The following PROS1 variants were observed in gnomAD, a reference collection of about 807,000 sequenced individuals.
The protein encoded by PROS1 is vitamin K-dependent protein S.
A neutral mutation model predicts 75.9 loss-of-function variants in PROS1; 29 were observed. The ratio of observed to expected loss-of-function variants is 0.38; its 90% CI spans 0.28 to 0.52. The LOEUF (loss-of-function observed/expected upper bound fraction) is 0.52, where lower values mean the gene tolerates loss of function less well. Ranked by LOEUF, PROS1 falls within the 20% of genes least tolerant of loss-of-function variation. The pLI is 0.83. For synonymous variants in PROS1, 245 were observed against 280.6 expected, an observed-to-expected ratio of 0.87 and a Z score of 1.27; for missense variants, 680 against 810.3, an observed-to-expected ratio of 0.84 and a Z score of 1.95.
intron 1 of PROS1, among the ~76,000 whole-genome samples, chr3:93,971,927 T>A (rs896708220): frequency 1.3e-5 from 2 of 152,180 alleles, no homozygotes; most frequent in African/African-American, 4.8e-5. Flanking sequence ...AATCAAAAAC[T>A]TTTAACTGAA....
intron 1 of PROS1, among the ~76,000 whole-genome samples, chr3:93,933,393 A>G (rs1709134654): frequency 6.6e-6 from 1 of 151,780 alleles, no homozygotes; most frequent in Admixed American, 6.6e-5. Flanking sequence ...TGGGCATCAT[A>G]GGGAAACACC....
At chr3:93,920,691 T>C (rs1412954507) in intron 3 of PROS1, among the ~76,000 whole-genome samples, 2 of 152,186 alleles carry the variant, frequency 1.3e-5, no homozygotes, top group Non-Finnish European at 2.9e-5. Flanking sequence ...CTTTTCTTTT[T>C]GTTCTCAACC....
chr3:93,892,654 A>T (rs1708447988), intron 10 of PROS1, among the ~76,000 whole-genome samples: 1 of 152,132 alleles, frequency 6.6e-6, no homozygotes, highest in Admixed American at 6.5e-5. Flanking sequence ...AGGCCTCCTA[A>T]TAGTCCCTAA....
chr3:93,947,725 C>G (rs1252753735), intron 1 of PROS1, among the ~76,000 whole-genome samples: 1 of 151,992 alleles, frequency 6.6e-6, no homozygotes, highest in Admixed American at 6.6e-5. Context: ...TGCCACCACA[C>G]CCGGCTAATT....
At chr3:93,876,379 G>A (rs1708187227) in intron 14 of PROS1, among the ~76,000 whole-genome samples, 2 of 152,052 alleles carry the variant, frequency 1.3e-5, no homozygotes, top group African/African-American at 4.8e-5. Flanking sequence ...GCAAGGTCAG[G>A]AGATCAAGAC....
In PROS1 at chr3:93,969,956, G is replaced by A. The variant is rs538599177; in HGVS notation, c.76+3718C>T. Among the ~76,000 whole-genome samples, 7 of 152,282 alleles carry A rather than the reference G, an allele frequency of 4.6e-5. 1 individual carries two copies. The South Asian group carries it at 1.4e-3, about 32-fold the overall frequency. On this transcript the variant is annotated intron_variant, in intron 1 of 14. Transcript: ENST00000394236. ...ATTGTTTCTTAGCACAGAATTAATA[G>A]TAAGAGAATGTGGCATAGGGTTTGA...
intron 9 of PROS1, among the ~76,000 whole-genome samples, chr3:93,893,983 A>G (rs969509598): frequency 6.6e-6 from 1 of 152,140 alleles, no homozygotes; most frequent in South Asian, 2.1e-4. Flanking sequence ...AAACACTTCA[A>G]TGAGAATCAG....
chr3:93,878,098 C>A (rs1346179918), intron 13 of PROS1, among the ~76,000 whole-genome samples: 2 of 152,086 alleles, frequency 1.3e-5, no homozygotes, highest in African/African-American at 4.8e-5. Context: ...AAAGAAAGAA[C>A]CACGGAGGCA....
At chr3:93,918,043 GC>G (rs1708886396) in intron 3 of PROS1, among the ~76,000 whole-genome samples, 2 of 152,168 alleles carry the variant, frequency 1.3e-5, no homozygotes. Flanking sequence ...AGCCAGCTGC[GC>G]TCCTGAGTCT....
chr3:93,946,838 GAAA>G (rs769904782), intron 1 of PROS1, among the ~76,000 whole-genome samples: 1 of 64,014 alleles, frequency 1.6e-5, no homozygotes, highest in Non-Finnish European at 3.2e-5. Context: ...CTTCTGCACA[GAAA>G]AAAAAAAAAA....
At chr3:93,886,585 T>C in intron 10 of PROS1, 82 bp from the exon 11 acceptor site, 2 of 1,062,920 alleles carry the variant, frequency 1.9e-6, no homozygotes, top group Non-Finnish European at 2.9e-6. Context: ...ACTTATGTTA[T>C]TATTCCAATA....
At chr3:93,922,364 A>C (rs1276900245) in intron 3 of PROS1, among the ~76,000 whole-genome samples, 1 of 152,140 alleles carries the variant, frequency 6.6e-6, no homozygotes, top group Non-Finnish European at 1.5e-5. Context: ...TTTACTAGAA[A>C]CACTCACTCT....
At chr3:93,965,556 G>A (rs1709776132) in intron 1 of PROS1, among the ~76,000 whole-genome samples, 1 of 152,086 alleles carries the variant, frequency 6.6e-6, no homozygotes, top group Non-Finnish European at 1.5e-5. Flanking sequence ...GAATCCATGA[G>A]GCCAAGAACC....
intron 3 of PROS1, among the ~76,000 whole-genome samples, chr3:93,923,210 G>A (rs1208456814): frequency 6.6e-6 from 1 of 152,150 alleles, no homozygotes; most frequent in Non-Finnish European, 1.5e-5. Flanking sequence ...CGGAAGTTAA[G>A]AGAGATACAA....
At chr3:93,903,057 G>T (rs940434013) in intron 6 of PROS1, among the ~76,000 whole-genome samples, 1 of 151,992 alleles carries the variant, frequency 6.6e-6, no homozygotes, top group African/African-American at 2.4e-5. Flanking sequence ...AGTAGAGACG[G>T]GGTTTCAGCG....
At chr3:93,898,626 T>C in intron 7 of PROS1, 57 bp from the exon 8 acceptor site, 1 of 1,586,598 alleles carries the variant, frequency 6.3e-7, no homozygotes, top group Non-Finnish European at 8.6e-7. Context: ...TGTTCAATCT[T>C]ATAGGCAGAG....
chr3:93,911,689 C>G (rs925613820), intron 3 of PROS1, among the ~76,000 whole-genome samples: 1 of 152,196 alleles, frequency 6.6e-6, no homozygotes, highest in African/African-American at 2.4e-5. Flanking sequence ...CAAAGTTCTC[C>G]ACGTGGGTGT....
chr3:93,942,673 C>A lies in PROS1; in HGVS notation c.77-15266G>T, dbSNP rs149817590. 2.4e-4 allele frequency among the ~76,000 whole-genome samples: 36 copies of A among 152,348 alleles called. No homozygotes were observed. The East Asian group carries it at 6.9e-3, about 29-fold the overall frequency. On this transcript the variant is annotated intron_variant, in intron 1 of 14. Coordinates refer to ENST00000394236, the MANE Select transcript of PROS1 (RefSeq NM_000313.4). ...ACCAAGGAAAATATCTCCTTCCAGCCTCACAGGCCCATTCTATTCTGTCGT... is the reference window on the plus strand; with the variant it reads ...ACCAAGGAAAATATCTCCTTCCAGCATCACAGGCCCATTCTATTCTGTCGT...
At chr3:93,915,783 T>C (rs563329374) in intron 3 of PROS1, among the ~76,000 whole-genome samples, 3 of 152,296 alleles carry the variant, frequency 2.0e-5, no homozygotes, top group East Asian at 1.9e-4. Context: ...TGTCTTCTTT[T>C]TTTTTGACCC....
Sources: gnomAD v4.1 joint callset for allele counts (sites outside exome capture counted in the v4.1 genomes callset) on GRCh38, gnomAD v4.1.1 for gene constraint, MANE v1.5 for transcripts, NCBI Gene and HGNC (gene_info 2026-07-23, HGNC 2026-07-21) for gene names.